Variants in SLIT2 observed in about 807,000 individuals in gnomAD.
SLIT2 encodes the protein slit homolog 2 protein.
SLIT2 carries 41 observed loss-of-function variants against 185.7 expected under a neutral mutation model. The ratio of observed to expected loss-of-function variants is 0.22; its 90% CI spans 0.17 to 0.29. SLIT2 has a LOEUF of 0.29. Among genes scored for constraint, SLIT2 ranks in the 10% least tolerant of loss-of-function variants. The pLI, the probability that SLIT2 is intolerant of heterozygous loss-of-function variation, is 1.00. For synonymous variants in SLIT2, 693 were observed against 680.2 expected (o/e 1.02, Z -0.29); for missense variants, 1,571 against 1,909.0 (o/e 0.82, Z 3.30).
At chr4:20,453,459 A>G (rs1372560570) in intron 4 of SLIT2, among the ~76,000 whole-genome samples, 1 of 152,182 alleles carries the variant, frequency 6.6e-6, no homozygotes, top group East Asian at 1.9e-4. Flanking sequence ...TTAAAATGGT[A>G]ATATGTAACA....
rs1362481420 is a variant in SLIT2 at position 20,586,638 on chromosome 4, G to A, written c.3089-3006G>A. 5.3e-5 allele frequency among the ~76,000 whole-genome samples: 8 copies of A among 152,166 alleles called. No individual in the cohort carries two copies. In the East Asian group the frequency reaches 1.5e-3, roughly 29 times the overall value. On this transcript the variant is annotated intron_variant, in intron 29 of 36. Transcript: ENST00000504154. ...AGTGTTTAAAACTGTTTAGCATACA[G>A]TAGTAAGCATGATATAAATGCTCAT...
At chr4:20,315,152 G>T (rs963926148) in intron 4 of SLIT2, among the ~76,000 whole-genome samples, 4 of 151,994 alleles carry the variant, frequency 2.6e-5, no homozygotes, top group Admixed American at 2.6e-4. Context: ...TATTTGAAAT[G>T]ACAAAAAGCT....
At chr4:20,500,391 C>T (rs1458406160) in intron 9 of SLIT2, among the ~76,000 whole-genome samples, 1 of 152,118 alleles carries the variant, frequency 6.6e-6, no homozygotes, top group African/African-American at 2.4e-5. Context: ...TAGCATTTTG[C>T]AGTTTTACAC....
chr4:20,266,261 G>A (rs762942979), intron 3 of SLIT2, among the ~76,000 whole-genome samples: 9 of 151,678 alleles, frequency 5.9e-5, no homozygotes, highest in Non-Finnish European at 1.3e-4. Flanking sequence ...ATGTAGACTC[G>A]TTAACAAGAA....
chr4:20,424,752 GC>G (rs1486854757), intron 4 of SLIT2, among the ~76,000 whole-genome samples: 1 of 151,900 alleles, frequency 6.6e-6, no homozygotes, highest in African/African-American at 2.4e-5. Flanking sequence ...TCTGTGAGAG[GC>G]CCCCCTGCTT....
chr4:20,581,873 A>G (rs898888537), intron 29 of SLIT2, among the ~76,000 whole-genome samples: 3 of 152,010 alleles, frequency 2.0e-5, no homozygotes, highest in African/African-American at 4.8e-5. Context: ...CAGCCTTCCA[A>G]AGAGCTGGGA....
At chr4:20,370,803 C>T (rs2109316530) in intron 4 of SLIT2, among the ~76,000 whole-genome samples, 1 of 152,214 alleles carries the variant, frequency 6.6e-6, no homozygotes, top group South Asian at 2.1e-4. Flanking sequence ...TCTAGCTATA[C>T]ATTTTCCTGT....
At position 20,571,344 on chromosome 4, in the gene SLIT2, A is replaced by G. The variant is rs114205998; in HGVS notation, c.3088+2340A>G. Among the ~76,000 whole-genome samples the G allele has an allele frequency of 1.7e-3, 260 of 152,282 alleles. 3 individuals are homozygous for G. The highest frequency in any genetic ancestry group is 6.0e-3 in the African/African-American group (250 of 41,582). ...GCGTACAGAACATGAAGATATGACCATTTTATCTTTGGAATGGGTCTTGTG... is the reference window on the plus strand; with the variant it reads ...GCGTACAGAACATGAAGATATGACCGTTTTATCTTTGGAATGGGTCTTGTG... On this transcript the variant is annotated intron_variant, in intron 29 of 36. Transcript: ENST00000504154.
intron 22 of SLIT2, among the ~76,000 whole-genome samples, chr4:20,547,808 A>T (rs1375861322): frequency 6.6e-6 from 1 of 151,874 alleles, no homozygotes; most frequent in Non-Finnish European, 1.5e-5. Flanking sequence ...TACGACCCAT[A>T]GTACAAACTA....
chr4:20,403,169 C>T (rs553370714), intron 4 of SLIT2, among the ~76,000 whole-genome samples: 4 of 151,938 alleles, frequency 2.6e-5, no homozygotes, highest in African/African-American at 9.6e-5. Context: ...CTATGTCATA[C>T]ATTTTTTTAA....
chr4:20,587,142 C>A (rs1051412037), intron 29 of SLIT2, among the ~76,000 whole-genome samples: 1 of 151,934 alleles, frequency 6.6e-6, no homozygotes, highest in Non-Finnish European at 1.5e-5. Context: ...CCTCAGCCTC[C>A]CGAGTAGCTG....
intron 4 of SLIT2, among the ~76,000 whole-genome samples, chr4:20,439,995 T>C (rs891277673): frequency 1.3e-5 from 2 of 152,194 alleles, no homozygotes; most frequent in African/African-American, 2.4e-5. Context: ...TTAGGTTTAT[T>C]TTGCCAAAGC....
intron 5 of SLIT2, among the ~76,000 whole-genome samples, chr4:20,474,601 A>G (rs866687524): frequency 2.0e-5 from 3 of 152,112 alleles, no homozygotes; most frequent in Non-Finnish European, 2.9e-5. Flanking sequence ...CATACTTACA[A>G]AATATGAATT....
At chr4:20,442,296 G>A (rs1014876350) in intron 4 of SLIT2, among the ~76,000 whole-genome samples, 1 of 152,094 alleles carries the variant, frequency 6.6e-6, no homozygotes, top group Admixed American at 6.6e-5. Flanking sequence ...GAGGCGGGCG[G>A]ATCATGAGGT....
intron 4 of SLIT2, among the ~76,000 whole-genome samples, chr4:20,406,337 TCAA>T (rs1726772223): frequency 6.9e-6 from 1 of 144,038 alleles, no homozygotes; most frequent in Non-Finnish European, 1.5e-5. Context: ...TAAAAACTTA[TCAA>T]CGATACTATT....
At chr4:20,301,744 G>C (rs1717064625) in intron 4 of SLIT2, among the ~76,000 whole-genome samples, 1 of 152,110 alleles carries the variant, frequency 6.6e-6, no homozygotes, top group African/African-American at 2.4e-5. Flanking sequence ...ATGTTAAAGA[G>C]AACCATTTTA....
At chr4:20,575,908 GA>G (rs1037992221) in intron 29 of SLIT2, among the ~76,000 whole-genome samples, 4 of 151,374 alleles carry the variant, frequency 2.6e-5, no homozygotes, top group Admixed American at 6.6e-5. Context: ...TAGGTAAGGG[GA>G]AAAGTTCGGG....
At chr4:20,366,380 G>A (rs955703691) in intron 4 of SLIT2, among the ~76,000 whole-genome samples, 1 of 152,106 alleles carries the variant, frequency 6.6e-6, no homozygotes, top group African/African-American at 2.4e-5. Context: ...AAATGTTTCT[G>A]GAAGGAATAT....
intron 4 of SLIT2, among the ~76,000 whole-genome samples, chr4:20,381,461 C>G (rs982616667): frequency 2.0e-5 from 3 of 152,064 alleles, no homozygotes; most frequent in Non-Finnish European, 4.4e-5. Context: ...ATTTTACAAA[C>G]TGTAATGTAT....
Sources: gnomAD v4.1 joint callset for allele counts (sites outside exome capture counted in the v4.1 genomes callset) on GRCh38, gnomAD v4.1.1 for gene constraint, MANE v1.5 for transcripts, NCBI Gene and HGNC (gene_info 2026-07-23, HGNC 2026-07-21) for gene names.